The following MECOM variants were observed in gnomAD, a reference collection of about 807,000 sequenced individuals.
The protein encoded by MECOM is MDS1 and EVI1 complex locus, also known as histone-lysine N-methyltransferase MECOM.
Under a neutral mutation model 116.3 loss-of-function variants are expected in MECOM, and 13 were observed. The ratio of observed to expected loss-of-function variants is 0.11; its 90% CI spans 0.07 to 0.18. The LOEUF (loss-of-function observed/expected upper bound fraction) is 0.18. Among genes scored for constraint, MECOM ranks in the 10% least tolerant of loss-of-function variants. The probability of loss-of-function intolerance (pLI) is 1.00; values close to 1 mark genes in which losing one functional copy is unlikely to be tolerated. For missense variants in MECOM, 1,299 were observed against 1,509.0 expected (o/e 0.86, Z 2.31); for synonymous variants, 528 against 535.2 (o/e 0.99, Z 0.19).
At chr3:169,563,064 C>CAAA (rs34061227) in intron 1 of MECOM, among the ~76,000 whole-genome samples, 4 of 79,448 alleles carry the variant, frequency 5.0e-5, no homozygotes, top group Admixed American at 1.2e-4. Flanking sequence ...AGCTCCATCT[C>CAAA]AAAAAAAAAA....
chr3:169,663,609 C>T lies in MECOM; in HGVS notation c.-237G>A, dbSNP rs1213899821. 5.2e-6 allele frequency: 3 copies of T among 573,472 alleles called. No homozygotes were observed. In the African/African-American group the frequency reaches 5.7e-5, roughly 11 times the overall value. The allele number at this position is 573,472 out of a possible 1,614,324, so 35.5% of individuals were successfully genotyped here. A position where few individuals can be genotyped will look rare whatever the true frequency, so the allele number is the denominator to read the frequency against. ...GTATTTTCTTCTTTCACTCTCTCTCCCTCCCTCTCTCCCTTTCTCTCAATC... is the reference window on the plus strand; with the variant it reads ...GTATTTTCTTCTTTCACTCTCTCTCTCTCCCTCTCTCCCTTTCTCTCAATC... On this transcript the variant is annotated 5_prime_UTR_variant, in exon 1 of 17. Transcript: ENST00000651503.
At position 169,485,952 on chromosome 3, in the gene MECOM, T is replaced by TATA. The variant is rs1180392196; in HGVS notation, c.38-104429_38-104428insTAT. ...TATATAGTATATATGTATGTATATATGTACATATATACTATATATACATAT... is the reference window on the plus strand; with the variant it reads ...TATATAGTATATATGTATGTATATATATAGTACATATATACTATATATACATAT... On this transcript the variant is annotated intron_variant, in intron 1 of 16. Coordinates refer to ENST00000651503, the MANE Select transcript of MECOM (RefSeq NM_004991.4). Among the ~76,000 whole-genome samples the TATA allele has an allele frequency of 2.0e-3, 197 of 100,868 alleles. 7 individuals carry two copies. The highest frequency in any genetic ancestry group is 8.6e-3 in the African/African-American group (195 of 22,720). 66.2% of individuals were successfully genotyped at this position (100,868 alleles called of 152,430 possible). A position where few individuals can be genotyped will look rare whatever the true frequency, so the allele number is the denominator to read the frequency against.
intron 2 of MECOM, among the ~76,000 whole-genome samples, chr3:169,170,385 G>T (rs1424300611): frequency 8.3e-6 from 1 of 119,868 alleles, no homozygotes; most frequent in Non-Finnish European, 1.6e-5. Flanking sequence ...CCAGCCCAGC[G>T]ACAGAGCAAG....
At chr3:169,112,598 T>C (rs1394141625) in intron 9 of MECOM, among the ~76,000 whole-genome samples, 189 bp downstream of exon 9, 1 of 152,200 alleles carries the variant, frequency 6.6e-6, no homozygotes, top group African/African-American at 2.4e-5. Flanking sequence ...ATGTTATTTT[T>C]ACACATATAT....
At chr3:169,391,132 C>T (rs1370162019) in intron 1 of MECOM, among the ~76,000 whole-genome samples, 1 of 152,104 alleles carries the variant, frequency 6.6e-6, no homozygotes, top group Non-Finnish European at 1.5e-5. Context: ...GTAGCAATGG[C>T]TTGCTGGTAA....
intron 2 of MECOM, among the ~76,000 whole-genome samples, chr3:169,175,107 AC>A (rs1275064209): frequency 2.6e-5 from 4 of 152,170 alleles, no homozygotes; most frequent in African/African-American, 9.7e-5. Flanking sequence ...TTTTCAAGTT[AC>A]CCAACTCACA....
intron 1 of MECOM, among the ~76,000 whole-genome samples, chr3:169,490,583 A>G (rs909859046): frequency 6.6e-6 from 1 of 152,236 alleles, no homozygotes; most frequent in South Asian, 2.1e-4. Flanking sequence ...TGAGTAAAAA[A>G]AAGCAAGTTG....
chr3:169,126,444 A>T (rs1000054108), intron 5 of MECOM, among the ~76,000 whole-genome samples: 1 of 151,698 alleles, frequency 6.6e-6, no homozygotes, highest in South Asian at 2.1e-4. Flanking sequence ...TGTTAGCTTC[A>T]TTTTTTTTAA....
Position 169,256,254 on chromosome 3 carries a change from A to C in MECOM, c.376-112422T>G, listed in dbSNP as rs185225946. On this transcript the variant is annotated intron_variant, in intron 2 of 16. Coordinates refer to ENST00000651503, the MANE Select transcript of MECOM (RefSeq NM_004991.4). Reference sequence around the variant, plus strand: ...CAGTATATACTGTATAATGTTCCCCAAAAACTCATGTAACTAATGCAATAT... The same window carrying C: ...CAGTATATACTGTATAATGTTCCCCCAAAACTCATGTAACTAATGCAATAT... Among the ~76,000 whole-genome samples the C allele has an allele frequency of 2.5e-3, 380 of 152,248 alleles. 3 individuals carry two copies. The highest frequency in any genetic ancestry group is 7.7e-3 in the South Asian group (37 of 4,826).
intron 1 of MECOM, among the ~76,000 whole-genome samples, chr3:169,433,657 G>GAAAGAAAGAA (rs1560268599): frequency 3.0e-5 from 4 of 133,458 alleles, no homozygotes; most frequent in African/African-American, 1.2e-4. Flanking sequence ...AAGAAAGAAA[G>GAAAGAAAGAA]AAAGAAAGAA....
intron 2 of MECOM, among the ~76,000 whole-genome samples, chr3:169,209,010 G>A (rs1233978117): frequency 6.6e-6 from 1 of 151,684 alleles, no homozygotes; most frequent in Non-Finnish European, 1.5e-5. Flanking sequence ...ATAGAACAAT[G>A]GAACAGAACA....
At chr3:169,405,477 G>GT (rs1165212150) in intron 1 of MECOM, among the ~76,000 whole-genome samples, 4 of 152,090 alleles carry the variant, frequency 2.6e-5, no homozygotes, top group Admixed American at 6.5e-5. Flanking sequence ...TTACTGAGAT[G>GT]TTTTTTTGCC....
intron 2 of MECOM, among the ~76,000 whole-genome samples, chr3:169,166,762 T>C (rs1475181906): frequency 6.6e-6 from 1 of 152,192 alleles, no homozygotes; most frequent in Non-Finnish European, 1.5e-5. Flanking sequence ...ACTGTGTTCA[T>C]AAATGTACAT....
At chr3:169,214,887 T>G (rs1251713380) in intron 2 of MECOM, among the ~76,000 whole-genome samples, 9 of 147,934 alleles carry the variant, frequency 6.1e-5, no homozygotes, top group Non-Finnish European at 1.3e-4. Flanking sequence ...ATCTATTATA[T>G]ATATACAAAA....
intron 2 of MECOM, among the ~76,000 whole-genome samples, chr3:169,349,441 T>C (rs1212571150): frequency 6.6e-6 from 1 of 151,960 alleles, no homozygotes; most frequent in Non-Finnish European, 1.5e-5. Context: ...GATACAGGTA[T>C]GCATGCCTGT....
chr3:169,622,721 G>C, intron 1 of MECOM, among the ~76,000 whole-genome samples: 1 of 152,144 alleles, frequency 6.6e-6, no homozygotes, highest in East Asian at 1.9e-4. Context: ...CTGGCACTGT[G>C]TTGGCACCAG....
intron 2 of MECOM, among the ~76,000 whole-genome samples, chr3:169,215,381 T>G (rs1483669081): frequency 2.0e-5 from 3 of 152,086 alleles, no homozygotes; most frequent in Admixed American, 6.6e-5. Context: ...GTGGAGCTCC[T>G]CCTTTTCTGA....
At chr3:169,391,220 A>C (rs1734148371) in intron 1 of MECOM, among the ~76,000 whole-genome samples, 1 of 152,206 alleles carries the variant, frequency 6.6e-6, no homozygotes, top group South Asian at 2.1e-4. Context: ...TGCCCAAAAG[A>C]TTGAAATTTT....
intron 1 of MECOM, chr3:169,472,841 C>A (rs1011666120): frequency 3.4e-6 from 1 of 292,982 alleles, no homozygotes; most frequent in South Asian, 1.3e-4. Flanking sequence ...TGTGTTTAAC[C>A]GACATAAAGT....
Sources: allele counts gnomAD v4.1 joint callset (sites outside exome capture counted in the v4.1 genomes callset), GRCh38; gene constraint gnomAD v4.1.1; transcripts MANE v1.5; gene names NCBI Gene and HGNC (gene_info 2026-07-23, HGNC 2026-07-21).